The following DGKB variants were observed in gnomAD, a reference collection of about 807,000 sequenced individuals.
DGKB encodes diacylglycerol kinase beta.
Under a neutral mutation model 114.3 loss-of-function variants are expected in DGKB, and 67 were observed. The observed-to-expected ratio is 0.59, with a 90% CI of 0.48 to 0.72. The LOEUF is 0.72. Among genes scored for constraint, DGKB ranks in the 30% least tolerant of loss-of-function variants. DGKB has a pLI of 0.00. For synonymous variants in DGKB, 398 were observed against 323.1 expected, an observed-to-expected ratio of 1.23 and a Z score of -2.49; for missense variants, 907 against 975.2, an observed-to-expected ratio of 0.93 and a Z score of 0.93.
At chr7:14,299,557 C>A (rs1803149374) in intron 23 of DGKB, among the ~76,000 whole-genome samples, 1 of 152,112 alleles carries the variant, frequency 6.6e-6, no homozygotes, top group Non-Finnish European at 1.5e-5. Context: ...CCAACAAGAA[C>A]AATAGTTAAC....
chr7:14,474,966 G>T lies in DGKB; in HGVS notation c.1835+3195C>A, dbSNP rs1399724840. Among the ~76,000 whole-genome samples the T allele has an allele frequency of 3.9e-5, 6 of 152,100 alleles. No homozygotes were observed. The East Asian group carries it at 1.2e-3, about 29-fold the overall frequency. ...TTAGATTTATATAGAAATTTGGAAA[G>T]AATATGATATAAACCTTTCAACTAG... is the stretch of plus-strand genomic sequence containing the variant. On this transcript the variant is annotated intron_variant, in intron 21 of 25. Transcript: ENST00000402815.
At chr7:14,863,896 T>C (rs1282171589) in intron 1 of DGKB, among the ~76,000 whole-genome samples, 1 of 151,992 alleles carries the variant, frequency 6.6e-6, no homozygotes, top group Non-Finnish European at 1.5e-5. Flanking sequence ...GGTCAGGAGT[T>C]CGAGACCAGC....
chr7:14,934,929 ATAATTCTACCTACAGCC>A (rs1327690011), intron 1 of DGKB, among the ~76,000 whole-genome samples: 12 of 152,206 alleles, frequency 7.9e-5, no homozygotes, highest in Non-Finnish European at 1.6e-4. Context: ...CTTTGCAGCC[ATAATTCTACCTACAGCC>A]TAATGTTACA....
At chr7:14,215,458 A>T (rs1788804210) in intron 23 of DGKB, among the ~76,000 whole-genome samples, 1 of 152,144 alleles carries the variant, frequency 6.6e-6, no homozygotes, top group South Asian at 2.1e-4. Context: ...TTCAAATTTC[A>T]TAAAAGTCTA....
intron 5 of DGKB, among the ~76,000 whole-genome samples, chr7:14,728,465 A>T (rs541713084): frequency 6.6e-6 from 1 of 152,252 alleles, no homozygotes; most frequent in South Asian, 2.1e-4. Flanking sequence ...CAGACCTCTC[A>T]GTGCTCCTAA....
At chr7:14,364,716 G>A (rs1382477560) in intron 21 of DGKB, among the ~76,000 whole-genome samples, 2 of 151,996 alleles carry the variant, frequency 1.3e-5, no homozygotes, top group Admixed American at 6.6e-5. Context: ...TAGCTAAGAG[G>A]GAGATGCCGC....
chr7:14,926,015 G>A (rs1784731053), intron 1 of DGKB, among the ~76,000 whole-genome samples: 1 of 152,094 alleles, frequency 6.6e-6, no homozygotes, highest in African/African-American at 2.4e-5. Flanking sequence ...CGTTGAGTAT[G>A]AAGTTAACTG....
intron 20 of DGKB, among the ~76,000 whole-genome samples, chr7:14,489,006 G>C (rs1584336961): frequency 6.6e-6 from 1 of 151,068 alleles, no homozygotes; most frequent in East Asian, 1.9e-4. Context: ...TGTCACTGAA[G>C]AAACAAATCA....
At chr7:14,531,382 CA>C (rs1791561002) in intron 20 of DGKB, among the ~76,000 whole-genome samples, 1 of 151,302 alleles carries the variant, frequency 6.6e-6, no homozygotes, top group South Asian at 2.1e-4. Flanking sequence ...AAAATCAATA[CA>C]GAAAAATTAA....
chr7:14,264,566 T>C (rs934737635), intron 23 of DGKB, among the ~76,000 whole-genome samples: 2 of 152,134 alleles, frequency 1.3e-5, no homozygotes, highest in Admixed American at 1.3e-4. Flanking sequence ...CTTAAGAAAG[T>C]CAAGCAACTT....
At position 14,729,410 on chromosome 7, in the gene DGKB, T is replaced by C. The variant is rs184762290; in HGVS notation, c.322+6631A>G. 4.6e-5 allele frequency among the ~76,000 whole-genome samples: 7 copies of C among 152,262 alleles called. No individual in the cohort carries two copies. In the East Asian group the frequency reaches 5.8e-4, roughly 13 times the overall value. ...GTGCTGGGATTACAGGCACGAGCCA[T>C]CATTTTGCTCACTGATGTATCCCTA... On this transcript the variant is annotated intron_variant, in intron 5 of 25. Coordinates refer to ENST00000402815, the MANE Select transcript of DGKB (RefSeq NM_001350709.2).
intron 17 of DGKB, among the ~76,000 whole-genome samples, chr7:14,599,320 C>T (rs746043911): frequency 1.1e-4 from 17 of 152,188 alleles, no homozygotes; most frequent in Non-Finnish European, 2.2e-4. Context: ...TCACAATAAT[C>T]CTAAAACCCT....
At chr7:14,444,373 A>C (rs1364801338) in intron 21 of DGKB, among the ~76,000 whole-genome samples, 1 of 151,726 alleles carries the variant, frequency 6.6e-6, no homozygotes, top group African/African-American at 2.4e-5. Context: ...TTTTCACTTA[A>C]TATTATAGCA....
intron 2 of DGKB, among the ~76,000 whole-genome samples, chr7:14,782,069 G>C (rs1839185424): frequency 6.6e-6 from 1 of 152,086 alleles, no homozygotes; most frequent in Non-Finnish European, 1.5e-5. Context: ...GTCTCTCCCA[G>C]GCTGAAGTGC....
intron 25 of DGKB, among the ~76,000 whole-genome samples, chr7:14,170,155 AAGAAAGAAAGAAAGAAAG>A (rs1780721744): frequency 2.7e-5 from 2 of 74,364 alleles, no homozygotes; most frequent in Non-Finnish European, 4.9e-5. Context: ...AAAAGAAAGA[AAGAAAGAAAGAAAGAAAG>A]AAAGAAAGAA....
At position 14,378,135 on chromosome 7, in the gene DGKB, A is replaced by G. The variant is rs188786987; in HGVS notation, c.1836-32744T>C. ...AAAATTGTTACATTTCGTAACCATGAAAATGAAAGACTTCCACTGAAAGCA... is the reference window on the plus strand; with the variant it reads ...AAAATTGTTACATTTCGTAACCATGGAAATGAAAGACTTCCACTGAAAGCA... On this transcript the variant is annotated intron_variant, in intron 21 of 25. Coordinates refer to ENST00000402815, the MANE Select transcript of DGKB (RefSeq NM_001350709.2). Among the ~76,000 whole-genome samples, 120 of 152,336 alleles carry G rather than the reference A, an allele frequency of 7.9e-4. 1 individual carries two copies. Among genetic ancestry groups the G allele is most frequent in the South Asian group, 6.0e-3 (29 of 4,824 alleles).
intron 5 of DGKB, among the ~76,000 whole-genome samples, chr7:14,729,226 C>T (rs1475157780): frequency 1.3e-5 from 2 of 148,808 alleles, no homozygotes; most frequent in South Asian, 2.1e-4. Flanking sequence ...GGGTTCACGC[C>T]ATTCTCCCGC....
At chr7:14,613,018 T>A (rs924489448) in intron 16 of DGKB, among the ~76,000 whole-genome samples, 1 of 152,134 alleles carries the variant, frequency 6.6e-6, no homozygotes, top group Non-Finnish European at 1.5e-5. Context: ...TGTGGATTCA[T>A]CTTGTTAACC....
At chr7:14,659,989 A>T (rs1464073125) in intron 13 of DGKB, among the ~76,000 whole-genome samples, 6 of 151,364 alleles carry the variant, frequency 4.0e-5, no homozygotes, top group East Asian at 4.0e-4. Flanking sequence ...TATTGAGATA[A>T]TCATGTGGTT....
Sources: allele counts gnomAD v4.1 joint callset (sites outside exome capture counted in the v4.1 genomes callset), GRCh38; gene constraint gnomAD v4.1.1; transcripts MANE v1.5; gene names NCBI Gene and HGNC (gene_info 2026-07-23, HGNC 2026-07-21).